THOC7: variants seen among roughly 807,000 people sequenced by gnomAD.
THOC7 encodes THO complex subunit 7.
A neutral mutation model predicts 33.1 loss-of-function variants in THOC7; 22 were observed. That is an observed-to-expected ratio of 0.66 (90% confidence interval 0.47 to 0.95). THOC7 has a LOEUF of 0.95. Ranked by LOEUF, THOC7 falls within the 40% of genes least tolerant of loss-of-function variation. The pLI, the probability that THOC7 is intolerant of heterozygous loss-of-function variation, is 0.00. For missense variants in THOC7, 184 were observed against 245.3 expected (o/e 0.75, Z 1.67); for synonymous variants, 77 against 76.8 (o/e 1.00, Z -0.01).
At chr3:63,862,778 C>A (rs1237239690) in intron 1 of THOC7, among the ~76,000 whole-genome samples, 1 of 152,108 alleles carries the variant, frequency 6.6e-6, no homozygotes, top group Non-Finnish European at 1.5e-5. Context: ...CCCTAGATAT[C>A]CCCTTCCCAG....
chr3:63,861,790 T>A (rs983490732), intron 1 of THOC7: 1 of 96,118 alleles, frequency 1.0e-5, no homozygotes, highest in Admixed American at 1.3e-4. Context: ...TATGTGTGTG[T>A]GTGTTTTTTT....
Position 63,836,297 on chromosome 3 carries a change from T to C in THOC7, c.410+4A>G. On this transcript the variant is annotated splice_donor_region_variant and intron_variant, in intron 5 of 7. Coordinates refer to ENST00000295899, the MANE Select transcript of THOC7 (RefSeq NM_025075.4). ...TTCCTTTCAAAGTAAAGCTCTACACTTACTTTAATGTCTCATGCCTGTCTG... is the reference window on the plus strand; with the variant it reads ...TTCCTTTCAAAGTAAAGCTCTACACCTACTTTAATGTCTCATGCCTGTCTG... The C allele has an allele frequency of 6.2e-7, 1 of 1,612,216 alleles. No individual in the cohort carries two copies. Among genetic ancestry groups the C allele is most frequent in the Non-Finnish European group, 8.5e-7 (1 of 1,178,796 alleles).
intron 7 of THOC7, 92 bp from the exon 8 acceptor site, chr3:63,834,291 C>T (rs780330142): frequency 2.2e-4 from 279 of 1,253,044 alleles, no homozygotes; most frequent in South Asian, 5.8e-4. Context: ...CCTTTATTAG[C>T]CAATACAATT....
intron 1 of THOC7, among the ~76,000 whole-genome samples, chr3:63,847,417 CTG>C (rs1379335166): frequency 6.6e-6 from 1 of 152,132 alleles, no homozygotes; most frequent in Non-Finnish European, 1.5e-5. Context: ...TCCTAAAGTG[CTG>C]TGTCTCCAAA....
At chr3:63,851,683 T>C (rs1702022051) in intron 1 of THOC7, among the ~76,000 whole-genome samples, 2 of 152,224 alleles carry the variant, frequency 1.3e-5, no homozygotes, top group Non-Finnish European at 2.9e-5. Context: ...TTTTCTATCG[T>C]TGGCCTCTCT....
intron 4 of THOC7, among the ~76,000 whole-genome samples, 171 bp from the exon 5 acceptor site, chr3:63,836,529 G>A (rs972973568): frequency 2.0e-5 from 3 of 151,822 alleles, no homozygotes; most frequent in East Asian, 3.9e-4. Context: ...TAATTATAAC[G>A]ATACATAACA....
intron 1 of THOC7, chr3:63,844,889 G>A (rs80331968): frequency 4.7e-5 from 24 of 508,330 alleles, no homozygotes; most frequent in Middle Eastern, 4.2e-4. Context: ...AGAGTAAGAC[G>A]GAAAATTGTA....
intron 1 of THOC7, chr3:63,848,436 C>A (rs1701949347): frequency 1.3e-5 from 2 of 152,114 alleles, no homozygotes; most frequent in Non-Finnish European, 2.9e-5. Context: ...GTCCTTCCCA[C>A]CCCCCACCTT....
intron 1 of THOC7, among the ~76,000 whole-genome samples, chr3:63,843,825 C>T (rs912927828): frequency 4.0e-5 from 6 of 151,526 alleles, no homozygotes; most frequent in Non-Finnish European, 5.9e-5. Context: ...GGCGTGAACC[C>T]GGGAGGCGGA....
At chr3:63,853,555 G>A (rs1227849924) in intron 1 of THOC7, among the ~76,000 whole-genome samples, 4 of 152,132 alleles carry the variant, frequency 2.6e-5, no homozygotes, top group Admixed American at 2.6e-4. Flanking sequence ...GTATACAAAG[G>A]AGCACAATGT....
chr3:63,841,388 T>C (rs1701757224), intron 1 of THOC7, among the ~76,000 whole-genome samples: 1 of 152,192 alleles, frequency 6.6e-6, no homozygotes, highest in Non-Finnish European at 1.5e-5. Context: ...TTTTGTTTTT[T>C]ATAGTACGCA....
At chr3:63,850,792 G>C (rs1235954714) in intron 1 of THOC7, among the ~76,000 whole-genome samples, 1 of 151,792 alleles carries the variant, frequency 6.6e-6, no homozygotes, top group East Asian at 1.9e-4. Flanking sequence ...CACCATGTTG[G>C]TTAGGCTGGT....
At chr3:63,863,696 GC>G in intron 1 of THOC7, 75 bp downstream of exon 1, 3 of 1,242,076 alleles carry the variant, frequency 2.4e-6, no homozygotes, top group Non-Finnish European at 3.0e-6. Context: ...CCGGAAGCGG[GC>G]CGGGAGGCCA....
At position 63,834,219 on chromosome 3, in the gene THOC7, A is replaced by T; in HGVS notation, c.548-20T>A. 1 of 1,613,096 alleles carries T rather than the reference A, an allele frequency of 6.2e-7. No individual in the cohort carries two copies. Among genetic ancestry groups the T allele is most frequent in the Non-Finnish European group, 8.5e-7 (1 of 1,179,360 alleles). ...CATCATCTGTAATTGAGAAGGAAAC[A>T]TAAAACCTTAGTCAAGTTTGCCTAT... is the stretch of plus-strand genomic sequence containing the variant. On this transcript the variant is annotated intron_variant, in intron 7 of 7. Coordinates refer to ENST00000295899, the MANE Select transcript of THOC7 (RefSeq NM_025075.4).
chr3:63,844,448 C>T (rs1285069853), intron 1 of THOC7, among the ~76,000 whole-genome samples: 1 of 152,152 alleles, frequency 6.6e-6, no homozygotes, highest in Non-Finnish European at 1.5e-5. Context: ...TACTCCAACA[C>T]ATCATACTGT....
chr3:63,850,895 A>G (rs1171098526), intron 1 of THOC7, among the ~76,000 whole-genome samples: 1 of 152,126 alleles, frequency 6.6e-6, no homozygotes, highest in Non-Finnish European at 1.5e-5. Context: ...CCTCTGCTTT[A>G]ATTTAAGATA....
At chr3:63,856,928 C>T (rs990897293) in intron 1 of THOC7, among the ~76,000 whole-genome samples, 5 of 152,184 alleles carry the variant, frequency 3.3e-5, no homozygotes, top group Non-Finnish European at 5.9e-5. Context: ...CCGTGTTAGC[C>T]AGGATGGTCT....
At chr3:63,849,361 C>A (rs560762459) in intron 1 of THOC7, among the ~76,000 whole-genome samples, 1 of 152,238 alleles carries the variant, frequency 6.6e-6, no homozygotes, top group Non-Finnish European at 1.5e-5. Context: ...GCCCTCTAGC[C>A]TGGGTGACAG....
intron 2 of THOC7, 109 bp from the exon 3 acceptor site, chr3:63,838,608 G>T: frequency 2.8e-6 from 3 of 1,085,412 alleles, no homozygotes; most frequent in Non-Finnish European, 3.9e-6. Context: ...AGTTCTGAGA[G>T]AATCATTTGC....
Sources: gnomAD v4.1 joint callset for allele counts (sites outside exome capture counted in the v4.1 genomes callset) on GRCh38, gnomAD v4.1.1 for gene constraint, MANE v1.5 for transcripts, NCBI Gene and HGNC (gene_info 2026-07-23, HGNC 2026-07-21) for gene names.